The following CDH12 variants were observed in gnomAD, a reference collection of about 807,000 sequenced individuals.
The protein encoded by CDH12 is cadherin 12, also known as cadherin-12.
CDH12 carries 41 observed loss-of-function variants against 74.1 expected under a neutral mutation model. The ratio of observed to expected loss-of-function variants is 0.55; its 90% CI spans 0.43 to 0.72. The LOEUF (loss-of-function observed/expected upper bound fraction) is 0.72. Ranked by LOEUF, CDH12 falls within the 30% of genes least tolerant of loss-of-function variation. CDH12 has a pLI of 0.00. For synonymous variants in CDH12, 399 were observed against 355.0 expected (o/e 1.12, Z -1.39); for missense variants, 945 against 977.2 (o/e 0.97, Z 0.44).
intron 2 of CDH12, among the ~76,000 whole-genome samples, chr5:22,501,742 A>C (rs2126656951): frequency 9.5e-6 from 1 of 105,306 alleles, no homozygotes; most frequent in Middle Eastern, 4.1e-3. Context: ...CTTACAAAGT[A>C]TATTAAAAAA....
At chr5:22,541,551 A>G (rs575503450) in intron 1 of CDH12, among the ~76,000 whole-genome samples, 11 of 152,226 alleles carry the variant, frequency 7.2e-5, no homozygotes, top group Non-Finnish European at 1.6e-4. Context: ...TGAGAGAATG[A>G]AAGTGCCTCC....
At chr5:21,828,908 C>CTT (rs70957070) in intron 8 of CDH12, among the ~76,000 whole-genome samples, 5 of 119,258 alleles carry the variant, frequency 4.2e-5, no homozygotes, top group Non-Finnish European at 5.1e-5. Context: ...AATCCTATGT[C>CTT]TTTTTTTTTT....
intron 7 of CDH12, among the ~76,000 whole-genome samples, chr5:21,851,230 G>A (rs1332855896): frequency 6.6e-6 from 1 of 150,948 alleles, no homozygotes; most frequent in Non-Finnish European, 1.5e-5. Context: ...GAATCATTTA[G>A]GGAAAATTTA....
At chr5:22,782,221 A>C (rs1430476251) in intron 1 of CDH12, among the ~76,000 whole-genome samples, 1 of 152,156 alleles carries the variant, frequency 6.6e-6, no homozygotes, top group Non-Finnish European at 1.5e-5. Flanking sequence ...TGAAAAGAAC[A>C]TGAGATTTGG....
At chr5:22,095,723 C>T (rs1743721798) in intron 4 of CDH12, among the ~76,000 whole-genome samples, 1 of 151,826 alleles carries the variant, frequency 6.6e-6, no homozygotes, top group Non-Finnish European at 1.5e-5. Context: ...CAAGAATCCC[C>T]CAATCCCTTA....
chr5:22,688,360 T>G (rs531704173), intron 1 of CDH12, among the ~76,000 whole-genome samples: 9 of 152,214 alleles, frequency 5.9e-5, no homozygotes, highest in Non-Finnish European at 1.0e-4. Context: ...GTGGGTATAA[T>G]GATAAAGGAG....
At chr5:21,992,423 TAA>T (rs1757791656) in intron 5 of CDH12, among the ~76,000 whole-genome samples, 1 of 152,108 alleles carries the variant, frequency 6.6e-6, no homozygotes, top group Non-Finnish European at 1.5e-5. Context: ...AGCAGGTGCT[TAA>T]GTAGAGATTG....
intron 5 of CDH12, among the ~76,000 whole-genome samples, chr5:22,044,198 T>C (rs1739773405): frequency 1.3e-5 from 2 of 152,100 alleles, no homozygotes; most frequent in South Asian, 4.1e-4. Flanking sequence ...TACAAAGCTA[T>C]AGACATGGTA....
At chr5:22,209,712 T>A (rs2150361219) in intron 4 of CDH12, among the ~76,000 whole-genome samples, 1 of 151,444 alleles carries the variant, frequency 6.6e-6, no homozygotes, top group South Asian at 2.1e-4. Flanking sequence ...TGGTTTCCAA[T>A]ACTGGTGGTG....
chr5:22,570,820 A>T (rs1561497881), intron 1 of CDH12, among the ~76,000 whole-genome samples: 1 of 152,040 alleles, frequency 6.6e-6, no homozygotes, highest in Non-Finnish European at 1.5e-5. Flanking sequence ...CCTAGGTGAC[A>T]TCTTCTTCCT....
At chr5:21,833,277 ATGT>A (rs1749279255) in intron 8 of CDH12, among the ~76,000 whole-genome samples, 2 of 51,550 alleles carry the variant, frequency 3.9e-5, no homozygotes, top group Non-Finnish European at 5.6e-5. Context: ...TATATATTAT[ATGT>A]TATATAACAT....
intron 1 of CDH12, among the ~76,000 whole-genome samples, chr5:22,555,434 C>T (rs962687926): frequency 3.3e-5 from 5 of 151,778 alleles, no homozygotes; most frequent in African/African-American, 1.2e-4. Flanking sequence ...AATGAAATGC[C>T]ATCTCTTTAG....
At chr5:22,363,691 C>T (rs1331231510) in intron 3 of CDH12, among the ~76,000 whole-genome samples, 2 of 152,022 alleles carry the variant, frequency 1.3e-5, no homozygotes, top group African/African-American at 2.4e-5. Flanking sequence ...TTAAATATTC[C>T]TAAAGTGAAA....
At chr5:22,657,551 G>T (rs1038517875) in intron 1 of CDH12, among the ~76,000 whole-genome samples, 1 of 151,980 alleles carries the variant, frequency 6.6e-6, no homozygotes, top group African/African-American at 2.4e-5. Context: ...ATTACCACAG[G>T]TGCATGAATT....
At chr5:22,092,980 G>A (rs1339243114) in intron 4 of CDH12, among the ~76,000 whole-genome samples, 1 of 152,204 alleles carries the variant, frequency 6.6e-6, no homozygotes, top group East Asian at 1.9e-4. Flanking sequence ...ACAAGCTTTA[G>A]TGGGTGGTGT....
At chr5:21,917,580 G>A (rs1385538544) in intron 6 of CDH12, among the ~76,000 whole-genome samples, 2 of 152,050 alleles carry the variant, frequency 1.3e-5, no homozygotes, top group South Asian at 2.1e-4. Context: ...GAAAATCATC[G>A]AGTCTAGTGT....
intron 1 of CDH12, among the ~76,000 whole-genome samples, chr5:22,723,091 A>C (rs1743981876): frequency 6.6e-6 from 1 of 152,180 alleles, no homozygotes; most frequent in Non-Finnish European, 1.5e-5. Flanking sequence ...CTACTGTAAA[A>C]AATGTAATTG....
In CDH12 at chr5:22,582,835, A is replaced by C. The variant is rs186058012; in HGVS notation, c.-522-77471T>G. ...GGTCAAAACGTCATCTGAATTTGTCAAACTAGAGGCAAAGGAGCTGGGGGT... is the reference window on the plus strand; with the variant it reads ...GGTCAAAACGTCATCTGAATTTGTCCAACTAGAGGCAAAGGAGCTGGGGGT... On this transcript the variant is annotated intron_variant, in intron 1 of 14. Coordinates refer to ENST00000382254, the MANE Select transcript of CDH12 (RefSeq NM_004061.5). Among the ~76,000 whole-genome samples the C allele has an allele frequency of 4.3e-3, 658 of 152,240 alleles. 2 individuals carry two copies. The highest frequency in any genetic ancestry group is 6.6e-3 in the Non-Finnish European group (450 of 68,018).
chr5:22,760,678 C>CAAAAAAAAAAAAAAAAAA (rs11284255), intron 1 of CDH12, among the ~76,000 whole-genome samples: 3 of 63,432 alleles, frequency 4.7e-5, no homozygotes, highest in Non-Finnish European at 2.8e-5. Context: ...GACTCCGTCT[C>CAAAAAAAAAAAAAAAAAA]AAAAAAAAAA....
Sources: gnomAD v4.1 joint callset for allele counts (sites outside exome capture counted in the v4.1 genomes callset) on GRCh38, gnomAD v4.1.1 for gene constraint, MANE v1.5 for transcripts, NCBI Gene and HGNC (gene_info 2026-07-23, HGNC 2026-07-21) for gene names.